FGD2: variants seen among roughly 807,000 people sequenced by gnomAD.
FGD2 encodes FYVE, RhoGEF and PH domain-containing protein 2.
A neutral mutation model predicts 75.9 loss-of-function variants in FGD2; 52 were observed. That is an observed-to-expected ratio of 0.69 (90% CI 0.55 to 0.86). The LOEUF (loss-of-function observed/expected upper bound fraction) is 0.86, where lower values mean the gene tolerates loss of function less well. FGD2 is among the 40% of genes least tolerant of loss of function. The probability of loss-of-function intolerance (pLI) is 0.00; values close to 1 mark genes in which losing one functional copy is unlikely to be tolerated. For missense variants in FGD2, 790 were observed against 872.0 expected (o/e 0.91, Z 1.18); for synonymous variants, 347 against 348.6 (o/e 1.00, Z 0.05).
rs370748787 is a variant in FGD2, at chr6:37,022,405, G to A, written c.1458+35G>A. On this transcript the variant is annotated intron_variant, in intron 13 of 15. Coordinates refer to ENST00000274963, the MANE Select transcript of FGD2 (RefSeq NM_173558.4). ...CCTGCCAGCACTCCTGCCTCCACCT[G>A]CGTCACCCAGGCCTCCACCTGCATC... 3.9e-6 allele frequency: 6 copies of A among 1,534,376 alleles called. No homozygotes were observed. In the African/African-American group the frequency reaches 8.5e-5, roughly 22 times the overall value.
intron 9 of FGD2, among the ~76,000 whole-genome samples, chr6:37,017,226 A>G (rs1765342734): frequency 6.6e-6 from 1 of 152,152 alleles, no homozygotes; most frequent in Non-Finnish European, 1.5e-5. Context: ...AATTTCTTCA[A>G]CCAGTCTTCT....
intron 13 of FGD2, chr6:37,023,845 A>T (rs978596544): frequency 1.3e-5 from 2 of 152,260 alleles, no homozygotes; most frequent in Non-Finnish European, 2.9e-5. Context: ...TTCTTTAAAA[A>T]TTACTTAAAA....
chr6:37,008,770 G>T, intron 1 of FGD2, 64 bp from the exon 2 acceptor site: 1 of 1,468,888 alleles, frequency 6.8e-7, no homozygotes, highest in East Asian at 2.4e-5. Flanking sequence ...TCCACACCAG[G>T]GACTTGCTGC....
At chr6:37,026,367 C>G in intron 14 of FGD2, 1 of 985,410 alleles carries the variant, frequency 1.0e-6, no homozygotes, top group Non-Finnish European at 1.2e-6. Context: ...GAAGGGACTC[C>G]AGGGGCCAGT....
intron 9 of FGD2, among the ~76,000 whole-genome samples, chr6:37,020,292 ACACTGGGTCAACTTAG>A (rs1765511915): frequency 6.7e-6 from 1 of 149,112 alleles, no homozygotes; most frequent in South Asian, 2.1e-4. Flanking sequence ...TCTCCACGTC[ACACTGGGTCAACTTAG>A]CTGCTGCTAA....
Position 37,021,492 on chromosome 6 carries a change from T to C in FGD2, c.1234-20T>C, listed in dbSNP as rs776415289. The C allele has an allele frequency of 2.0e-6, 3 of 1,532,176 alleles. No individual in the cohort carries two copies. The highest frequency in any genetic ancestry group is 2.7e-6 in the Non-Finnish European group (3 of 1,108,888). The allele number at this position is 1,532,176 out of a possible 1,614,324, so 94.9% of individuals were successfully genotyped here. A position where few individuals can be genotyped will look rare whatever the true frequency, so the allele number is the denominator to read the frequency against. On this transcript the variant is annotated intron_variant, in intron 11 of 15. Transcript: ENST00000274963. ...CCTTCCACACCTCAAGCCCCGACCCTCCCCCTCCCTGCACCCCAGGCCTTC... is the reference window on the plus strand; with the variant it reads ...CCTTCCACACCTCAAGCCCCGACCCCCCCCCTCCCTGCACCCCAGGCCTTC...
chr6:37,022,369 A>G lies in FGD2; in HGVS notation c.1457A>G (p.Tyr486Cys). Residue 486 changes from tyrosine (Y) to cysteine (C), a missense_variant and splice_region_variant, in exon 13 of 16, where the codon TAT becomes TGT. Physicochemically the swap from Tyr to Cys is radical, Grantham distance 194. Transcript: ENST00000274963. Reference sequence around the variant, plus strand: ...CGCCACCACTGCCGGGCCTGCGGCTATGTGAGTACTCCTGCCAGCACTCCT... The same window carrying G: ...CGCCACCACTGCCGGGCCTGCGGCTGTGTGAGTACTCCTGCCAGCACTCCT... ...RRRHHCRACGYVVCARCSDYR... is the reference protein window; with the variant it reads ...RRRHHCRACGCVVCARCSDYR... The G allele has an allele frequency of 6.3e-7, 1 of 1,576,628 alleles. No individual in the cohort carries two copies. Among genetic ancestry groups the G allele is most frequent in the Non-Finnish European group, 8.6e-7 (1 of 1,164,528 alleles).
At chr6:37,020,002 G>A (rs1360092926) in intron 9 of FGD2, among the ~76,000 whole-genome samples, 2 of 151,856 alleles carry the variant, frequency 1.3e-5, no homozygotes, top group African/African-American at 2.4e-5. Flanking sequence ...ACAGGCATGC[G>A]CCACCATGTC....
chr6:37,024,349 A>G (rs1438711702), intron 13 of FGD2: 8 of 152,190 alleles, frequency 5.3e-5, no homozygotes, highest in Non-Finnish European at 1.0e-4. Context: ...TCAAAAAAAT[A>G]AAAATAATAA....
chr6:37,016,143 C>A (rs556984098), intron 9 of FGD2, among the ~76,000 whole-genome samples: 37 of 152,204 alleles, frequency 2.4e-4, no homozygotes, highest in African/African-American at 8.9e-4. Flanking sequence ...GCTTCAAAAA[C>A]TTTCATGTGT....
At chr6:37,006,073 A>C (rs534339017) in intron 1 of FGD2, among the ~76,000 whole-genome samples, 188 bp downstream of exon 1, 1 of 152,292 alleles carries the variant, frequency 6.6e-6, no homozygotes, top group Admixed American at 6.5e-5. Flanking sequence ...GGCAGGGGTG[A>C]GAGTGCCAGT....
chr6:37,019,149 C>T (rs184918870), intron 9 of FGD2, among the ~76,000 whole-genome samples: 4 of 152,312 alleles, frequency 2.6e-5, no homozygotes, highest in Admixed American at 6.5e-5. Context: ...CAGTTAGAAA[C>T]CTCTTCTGTC....
intron 9 of FGD2, among the ~76,000 whole-genome samples, chr6:37,018,065 G>T (rs941452466): frequency 6.6e-6 from 1 of 152,202 alleles, no homozygotes; most frequent in African/African-American, 2.4e-5. Context: ...GGCTGAGAAA[G>T]GCAGGTTTAT....
At chr6:37,020,776 C>CCTTT (rs1409080372) in intron 11 of FGD2, 37 bp downstream of exon 11, 1 of 1,551,640 alleles carries the variant, frequency 6.4e-7, no homozygotes, top group African/African-American at 1.4e-5. Context: ...GAGTCTTTTT[C>CCTTT]CTTTCTTTCT....
At position 37,021,563 on chromosome 6, in the gene FGD2, G is replaced by C. The variant is rs1765593516; in HGVS notation, c.1285G>C (p.Ala429Pro). The C allele has an allele frequency of 2.5e-6, 4 of 1,614,084 alleles. No individual in the cohort carries two copies. Among genetic ancestry groups the C allele is most frequent in the Non-Finnish European group, 3.4e-6 (4 of 1,179,952 alleles). Residue 429 changes from alanine to proline, a missense_variant, in exon 12 of 16, where the codon GCT becomes CCT. Physicochemically the swap from Ala to Pro is conservative, Grantham distance 27 (BLOSUM62 -1). Coordinates refer to ENST00000274963, the MANE Select transcript of FGD2 (RefSeq NM_173558.4). ...CGAGAAGCGGAATGAAACCTTCAAG[G>C]CTGCGGCCCAGGGGCCTGAGGGAGA... is the stretch of plus-strand genomic sequence containing the variant. The part of the protein sequence containing the change: ...QIEKRNETFK[A>P]AAQGPEGDIQ...
At chr6:37,027,241 G>A (rs981605200) in intron 14 of FGD2, among the ~76,000 whole-genome samples, 188 bp from the exon 15 acceptor site, 8 of 152,220 alleles carry the variant, frequency 5.3e-5, no homozygotes, top group Non-Finnish European at 1.2e-4. Context: ...TTTGACTGCA[G>A]CTCTGCCACT....
chr6:37,012,859 A>C (rs1042349915), intron 4 of FGD2, among the ~76,000 whole-genome samples: 2 of 151,526 alleles, frequency 1.3e-5, no homozygotes, highest in Non-Finnish European at 2.9e-5. Context: ...TGATTTGTGC[A>C]TCCCAGGAGT....
At chr6:37,023,705 T>G (rs910829907) in intron 13 of FGD2, 5 of 152,370 alleles carry the variant, frequency 3.3e-5, no homozygotes, top group Non-Finnish European at 7.4e-5. Context: ...GGAACACACC[T>G]GCCTTCAGAT....
intron 13 of FGD2, chr6:37,022,762 C>T (rs772645916): frequency 3.9e-4 from 77 of 196,400 alleles, no homozygotes; most frequent in Non-Finnish European, 6.3e-4. Context: ...ACCCACCCAG[C>T]TCAGGTGCTG....
Sources: gnomAD v4.1 joint callset for allele counts (sites outside exome capture counted in the v4.1 genomes callset) on GRCh38, gnomAD v4.1.1 for gene constraint, MANE v1.5 for transcripts, NCBI Gene and HGNC (gene_info 2026-07-23, HGNC 2026-07-21) for gene names.